Variants in TMEM25 observed in about 807,000 individuals in gnomAD.
The protein encoded by TMEM25 is transmembrane protein 25.
In TMEM25, 36 loss-of-function variants were observed where a neutral mutation model predicts 37.0. The ratio of observed to expected loss-of-function variants is 0.97; its 90% confidence interval spans 0.75 to 1.28. TMEM25 has a LOEUF of 1.28. TMEM25 is among the 50% of genes most tolerant of loss of function. TMEM25 has a pLI of 0.00. For missense variants in TMEM25, 444 were observed against 477.9 expected, an observed-to-expected ratio of 0.93 and a Z score of 0.66; for synonymous variants, 197 against 203.7, an observed-to-expected ratio of 0.97 and a Z score of 0.28.
At chr11:118,542,377 CCT>C (rs1951589459) in intron 8 of TMEM25, among the ~76,000 whole-genome samples, 2 of 152,198 alleles carry the variant, frequency 1.3e-5, no homozygotes, top group African/African-American at 4.8e-5. Context: ...GACCCAAACA[CCT>C]CTTAAAGGCC....
chr11:118,545,671 C>G, intron 8 of TMEM25: 1 of 1,216,438 alleles, frequency 8.2e-7, no homozygotes, highest in Non-Finnish European at 1.2e-6. Flanking sequence ...CCAAAGAGCA[C>G]AACGGGCTTA....
intron 8 of TMEM25, chr11:118,545,523 G>T: frequency 6.4e-7 from 1 of 1,570,546 alleles, no homozygotes; most frequent in Non-Finnish European, 8.8e-7. Flanking sequence ...TCCAGGAACA[G>T]AAGCAAACAA....
At chr11:118,532,832 C>G in intron 3 of TMEM25, 85 bp from the exon 4 acceptor site, 1 of 1,530,222 alleles carries the variant, frequency 6.5e-7, no homozygotes. Flanking sequence ...GGCCCAGGCC[C>G]CTGGCTCCCA....
downstream of TMEM25, among the ~76,000 whole-genome samples, chr11:118,538,585 T>G (rs1555064399): frequency 6.6e-6 from 1 of 152,046 alleles, no homozygotes; most frequent in African/African-American, 2.4e-5. Flanking sequence ...TGTTAGCCGT[T>G]TGTATGTCTT....
At chr11:118,542,468 A>T (rs999394395) in intron 8 of TMEM25, among the ~76,000 whole-genome samples, 1 of 152,194 alleles carries the variant, frequency 6.6e-6, no homozygotes, top group Non-Finnish European at 1.5e-5. Flanking sequence ...ACAATAGCAA[A>T]TCATAAATAA....
Position 118,541,475 on chromosome 11 carries a change from A to AAAAAAAG in TMEM25, c.1028-4640_1028-4639insAAGAAAA, listed in dbSNP as rs534709160. On this transcript the variant is annotated intron_variant, in intron 8 of 8. Coordinates refer to the TMEM25 transcript ENST00000354284. ...AGACCCTGTCTCAAAAAAAAAAAAA[A>AAAAAAAG]AAAAGAAAAAGAAACTTCACCTAAC... Among the ~76,000 whole-genome samples the AAAAAAAG allele has an allele frequency of 2.8e-3, 383 of 137,316 alleles. 23 individuals carry two copies. Among genetic ancestry groups the AAAAAAAG allele is most frequent in the African/African-American group, 0.01 (361 of 35,984 alleles). The allele number at this position is 137,316 out of a possible 152,430, so 90.1% of individuals were successfully genotyped here. A position where few individuals can be genotyped will look rare whatever the true frequency, so the allele number is the denominator to read the frequency against.
chr11:118,534,284 G>C lies in TMEM25; in HGVS notation c.956G>C (p.Arg319Pro). The change falls in exon 8 of 9, where the codon CGG (arginine) becomes CCG (proline). Residue 319 changes from arginine (R) to proline (P), a missense_variant. Coordinates refer to ENST00000313236, the MANE Select transcript of TMEM25 (RefSeq NM_032780.4). This position sits in a 1 kb window ranked among gnomAD's most constrained non-coding sequence, Gnocchi z 4.6. ...PDSRAVKPAD[R>P]QMAQNNSRPE... ...CAACCAGCAGTGAAACCAGCAGACC[G>C]GCAGATGGCTCAGAACAACAGCCGG... The C allele has an allele frequency of 6.2e-7, 1 of 1,614,144 alleles. No individual in the cohort carries two copies. Among genetic ancestry groups the C allele is most frequent in the South Asian group, 1.1e-5 (1 of 91,064 alleles).
At chr11:118,546,071 A>G (rs941068418) in intron 8 of TMEM25, 2 of 714,282 alleles carry the variant, frequency 2.8e-6, no homozygotes, top group Non-Finnish European at 5.2e-6. Context: ...AAATTAAAAC[A>G]AGGTCATTAG....
At chr11:118,545,657 G>A in intron 8 of TMEM25, 4 of 1,132,272 alleles carry the variant, frequency 3.5e-6, no homozygotes, top group Non-Finnish European at 5.3e-6. Context: ...ACCTTTGAGT[G>A]CTGCCAAAGA....
chr11:118,535,299 G>C lies in TMEM25; in HGVS notation c.*719G>C. 7.7e-7 allele frequency: 1 copy of C among 1,307,146 alleles called. No homozygotes were observed. The highest frequency in any genetic ancestry group is 9.7e-7 in the Non-Finnish European group (1 of 1,028,280). 81.0% of individuals were successfully genotyped at this position (1,307,146 alleles called of 1,614,324 possible). On this transcript the variant is annotated 3_prime_UTR_variant, in exon 9 of 9. Transcript: ENST00000313236. ...ATCGCCCAGTATTAGCACAAGTTAG[G>C]GAGGAAGAGGCAGGCGATGAGTCTA...
chr11:118,542,899 C>CG (rs1951597586), intron 8 of TMEM25, among the ~76,000 whole-genome samples: 1 of 151,388 alleles, frequency 6.6e-6, no homozygotes, highest in South Asian at 2.1e-4. Flanking sequence ...GGTGACAGAG[C>CG]GAGACTCTGT....
intron 8 of TMEM25, among the ~76,000 whole-genome samples, chr11:118,541,883 G>A (rs538289741): frequency 4.2e-4 from 64 of 152,196 alleles, no homozygotes; most frequent in Non-Finnish European, 7.6e-4. Flanking sequence ...TCAGCCTCTC[G>A]AGTAGCTGGG....
chr11:118,545,997 T>C, intron 8 of TMEM25: 1 of 729,450 alleles, frequency 1.4e-6, no homozygotes, highest in Non-Finnish European at 2.5e-6. Context: ...AGATATTGAG[T>C]TCCTAACTCC....
rs1481738525 is a variant in TMEM25, at chr11:118,535,530, C to G, written c.*950C>G. ...CAGCATGTCTCCTCCACCACGGGAC[C>G]CCAGCCCTGACCAACCCATGGTTGC... On this transcript the variant is annotated 3_prime_UTR_variant, in exon 9 of 9. Coordinates refer to ENST00000313236, the MANE Select transcript of TMEM25 (RefSeq NM_032780.4). 15 of 1,535,626 alleles carry G rather than the reference C, an allele frequency of 9.8e-6. No homozygotes were observed. The East Asian group carries it at 2.9e-4, about 30-fold the overall frequency.
rs782787811 is a variant in TMEM25 at position 118,533,846 on chromosome 11, T to C, written c.806-11T>C. On this transcript the variant is annotated splice_polypyrimidine_tract_variant and intron_variant, in intron 5 of 8. Coordinates refer to ENST00000313236, the MANE Select transcript of TMEM25 (RefSeq NM_032780.4). ...CACTGAGAATTAGGGACATGGTTTC[T>C]TTCTCCACAGGCCCCTCCCGGCACC... 1 of 1,613,970 alleles carries C rather than the reference T, an allele frequency of 6.2e-7. No homozygotes were observed. The highest frequency in any genetic ancestry group is 8.5e-7 in the Non-Finnish European group (1 of 1,179,958).
At chr11:118,531,334 C>T (rs896320888) in intron 1 of TMEM25, 100 bp downstream of exon 1, 23 of 332,906 alleles carry the variant, frequency 6.9e-5, no homozygotes, top group African/African-American at 4.3e-4. Context: ...CCACCAACAT[C>T]AGGAAAGGGG....
chr11:118,542,683 C>T (rs2135444679), intron 8 of TMEM25, among the ~76,000 whole-genome samples: 5 of 152,290 alleles, frequency 3.3e-5, no homozygotes, highest in Middle Eastern at 6.8e-3. Flanking sequence ...GAGGCCAAGG[C>T]AGGCAGATCA....
intron 3 of TMEM25, 127 bp from the exon 4 acceptor site, chr11:118,532,790 C>G: frequency 7.4e-7 from 1 of 1,345,562 alleles, no homozygotes; most frequent in Non-Finnish European, 1.0e-6. Context: ...CAGACCCAGC[C>G]ATCCTGTTCC....
downstream of TMEM25, among the ~76,000 whole-genome samples, chr11:118,537,078 C>T (rs965861288): frequency 4.6e-5 from 7 of 152,204 alleles, no homozygotes; most frequent in East Asian, 7.7e-4. Context: ...TGGTGGCTCA[C>T]GCCTGTAATC....
Sources: gnomAD v4.1 joint callset for allele counts (sites outside exome capture counted in the v4.1 genomes callset) on GRCh38, gnomAD v4.1.1 for gene constraint, Gnocchi (gnomAD v3.1) non-coding constraint, MANE v1.5 for transcripts, NCBI Gene and HGNC (gene_info 2026-07-23, HGNC 2026-07-21) for gene names.